CALCOCO2: variants seen among roughly 807,000 people sequenced by gnomAD.
The protein encoded by CALCOCO2 is calcium binding and coiled-coil domain 2.
CALCOCO2 carries 42 observed loss-of-function variants against 62.5 expected under a neutral mutation model. The ratio of observed to expected loss-of-function variants is 0.67; its 90% CI spans 0.53 to 0.87. The LOEUF is 0.87. Ranked by LOEUF, CALCOCO2 falls within the 40% of genes least tolerant of loss-of-function variation. The pLI, the probability that CALCOCO2 is intolerant of heterozygous loss-of-function variation, is 0.00. For missense variants in CALCOCO2, 456 were observed against 515.0 expected (o/e 0.89, Z 1.11); for synonymous variants, 167 against 173.0 (o/e 0.97, Z 0.27).
Position 48,849,260 on chromosome 17 carries a change from G to A in CALCOCO2, c.426G>A (p.Val142=), listed in dbSNP as rs780331809. ...DILVVTTQGE[V]EEIEQHNKEL... ...GGAATGTTCTTTTGTAGGGAGAGGTGGAAGAGATTGAGCAGCACAACAAGG... is the reference window on the plus strand; with the variant it reads ...GGAATGTTCTTTTGTAGGGAGAGGTAGAAGAGATTGAGCAGCACAACAAGG... Residue 142 remains valine, a synonymous_variant, in exon 5 of 13, where the codon GTG becomes GTA. Transcript: ENST00000258947. The A allele has an allele frequency of 6.2e-7, 1 of 1,613,642 alleles. No homozygotes were observed. The highest frequency in any genetic ancestry group is 8.5e-7 in the Non-Finnish European group (1 of 1,179,670).
In CALCOCO2 at chr17:48,858,700, G is replaced by T. The variant is rs949729998; in HGVS notation, c.1009-1614G>T. ...TTCCTGAGTTAGTTTGATTGTGGGG[G>T]GGGGCAGGTGCACACACAGTTTGCA... On this transcript the variant is annotated intron_variant, in intron 10 of 12. Coordinates refer to ENST00000258947, the MANE Select transcript of CALCOCO2 (RefSeq NM_005831.5). 9.2e-5 allele frequency among the ~76,000 whole-genome samples: 14 copies of T among 152,048 alleles called. 1 individual carries two copies. In the East Asian group the frequency reaches 2.7e-3, roughly 29 times the overall value.
chr17:48,831,463 T>C (rs1382085154), intron 1 of CALCOCO2: 1 of 152,292 alleles, frequency 6.6e-6, no homozygotes, highest in African/African-American at 2.4e-5. Flanking sequence ...CTGGATGTCA[T>C]CGCCGTTGGC....
intron 10 of CALCOCO2, among the ~76,000 whole-genome samples, chr17:48,858,027 T>G (rs546196746): frequency 6.4e-5 from 1 of 15,642 alleles, no homozygotes; most frequent in East Asian, 1.5e-3. Flanking sequence ...TAGAATAGAA[T>G]AGAATAGAAT....
In CALCOCO2 at chr17:48,848,342, G is replaced by A; in HGVS notation, c.304G>A (p.Asp102Asn). 6.2e-7 allele frequency: 1 copy of A among 1,613,662 alleles called. No individual in the cohort carries two copies. The highest frequency in any genetic ancestry group is 8.5e-7 in the Non-Finnish European group (1 of 1,179,538). ...TTCAGCTTACTACCTGCCCAAGGATGATGAGTATTACCAGTTCTGCTATGT... is the reference window on the plus strand; with the variant it reads ...TTCAGCTTACTACCTGCCCAAGGATAATGAGTATTACCAGTTCTGCTATGT... ...QFKAYYLPKDDEYYQFCYVDE... is the reference protein window; with the variant it reads ...QFKAYYLPKDNEYYQFCYVDE... Residue 102 changes from aspartate (D) to asparagine (N), a missense_variant, in exon 4 of 13, where the codon GAT becomes AAT. By Grantham distance (23) the Asp-to-Asn change is conservative. Coordinates refer to ENST00000258947, the MANE Select transcript of CALCOCO2 (RefSeq NM_005831.5).
At chr17:48,858,061 G>GAATAGAATAC in intron 10 of CALCOCO2, among the ~76,000 whole-genome samples, 1 of 139,462 alleles carries the variant, frequency 7.2e-6, no homozygotes, top group Middle Eastern at 3.6e-3. Context: ...GAATAGAATA[G>GAATAGAATAC]AATAGAATAG....
At chr17:48,850,435 C>A (rs2040112352) in intron 5 of CALCOCO2, among the ~76,000 whole-genome samples, 1 of 151,990 alleles carries the variant, frequency 6.6e-6, no homozygotes, top group Admixed American at 6.6e-5. Flanking sequence ...CCAGCCTGAG[C>A]AACAGAGCAA....
In CALCOCO2 at chr17:48,851,579, A is replaced by G. The variant is rs779856829; in HGVS notation, c.653A>G (p.Lys218Arg). Reference sequence around the variant, plus strand: ...TACAGACTGAAAGAACAAAACCAGAAGATGTCCTCAGAAAATGAGAAGATG... The same window carrying G: ...TACAGACTGAAAGAACAAAACCAGAGGATGTCCTCAGAAAATGAGAAGATG... ...ELLQLKEQNQKMSSENEKMGI... is the reference protein window; with the variant it reads ...ELLQLKEQNQRMSSENEKMGI... Residue 218 changes from lysine to arginine, a missense_variant, in exon 7 of 13, where the codon AAG (lysine) becomes AGG (arginine). Lys to Arg is a conservative substitution (Grantham distance 26). This residue lies in a region of CALCOCO2 where 236 missense variants were observed against 225.3 expected (regional missense o/e 1.05). Transcript: ENST00000258947. 10 of 1,601,228 alleles carry G rather than the reference A, an allele frequency of 6.2e-6. No homozygotes were observed. The Admixed American group carries it at 1.7e-4, about 27-fold the overall frequency.
rs187215929 is a variant in CALCOCO2 at position 48,864,185 on chromosome 17, T to C, written c.*1180T>C. ...TTCAAGCGATTCTCATGCCTTAGCC[T>C]CCCAAGTAGCTGGGATTACAGGTGT... On this transcript the variant is annotated 3_prime_UTR_variant, in exon 13 of 13. Coordinates refer to ENST00000258947, the MANE Select transcript of CALCOCO2 (RefSeq NM_005831.5). 0.012 allele frequency: 1,820 copies of C among 150,116 alleles called. 34 individuals are homozygous for C. The highest frequency in any genetic ancestry group is 0.098 in the South Asian group (462 of 4,726). 9.3% of individuals were successfully genotyped at this position (150,116 alleles called of 1,614,324 possible).
In CALCOCO2 at chr17:48,846,540, C is replaced by T. The variant is rs751260065; in HGVS notation, c.181-1524C>T. The T allele has an allele frequency of 2.8e-6, 3 of 1,071,866 alleles. No individual in the cohort carries two copies. The African/African-American group carries it at 4.9e-5, about 18-fold the overall frequency. The allele number at this position is 1,071,866 out of a possible 1,614,324, so 66.4% of individuals were successfully genotyped here. ...GTGGCTAGAAGTTGTTTCCCTGTTC[C>T]AAGGCAGCAATAATTCTTAGGCCTT... On this transcript the variant is annotated intron_variant, in intron 2 of 12. Transcript: ENST00000258947.
intron 5 of CALCOCO2, 151 bp from the exon 6 acceptor site, chr17:48,850,938 A>G (rs1179200433): frequency 1.2e-5 from 6 of 521,172 alleles, no homozygotes; most frequent in South Asian, 2.2e-5. Context: ...AAAAAAGAAC[A>G]TTTTCCTTTT....
At chr17:48,835,583 G>A (rs1251828434) in intron 1 of CALCOCO2, among the ~76,000 whole-genome samples, 1 of 152,088 alleles carries the variant, frequency 6.6e-6, no homozygotes, top group Non-Finnish European at 1.5e-5. Context: ...AGATTATTAG[G>A]TTTTCAGGTG....
chr17:48,834,103 T>C (rs1431264973), intron 1 of CALCOCO2, among the ~76,000 whole-genome samples: 1 of 85,106 alleles, frequency 1.2e-5, no homozygotes, highest in Non-Finnish European at 2.1e-5. Flanking sequence ...CAAGACCCTA[T>C]GTCAAAAAAA....
intron 9 of CALCOCO2, among the ~76,000 whole-genome samples, chr17:48,855,525 C>T (rs545174906): frequency 6.6e-6 from 1 of 152,254 alleles, no homozygotes; most frequent in African/African-American, 2.4e-5. Flanking sequence ...AGCTCTGAAG[C>T]ATGAAACCAG....
intron 10 of CALCOCO2, among the ~76,000 whole-genome samples, chr17:48,857,982 T>TAGAAC (rs1244309430): frequency 5.3e-5 from 1 of 18,938 alleles, no homozygotes; most frequent in Admixed American, 5.9e-4. Context: ...ATCAATAGAA[T>TAGAAC]AGAATAGAAT....
intron 5 of CALCOCO2, 148 bp from the exon 6 acceptor site, chr17:48,850,941 T>C: frequency 1.8e-6 from 1 of 550,708 alleles, no homozygotes; most frequent in Non-Finnish European, 3.3e-6. Flanking sequence ...AAAGAACATT[T>C]TCCTTTTATT....
chr17:48,842,896 C>T (rs1013781894), intron 2 of CALCOCO2, among the ~76,000 whole-genome samples: 2 of 151,922 alleles, frequency 1.3e-5, no homozygotes, highest in Admixed American at 1.3e-4. Context: ...GCCTCAGCCT[C>T]CCAAATTAAA....
intron 9 of CALCOCO2, chr17:48,855,869 A>G (rs2040207587): frequency 3.7e-6 from 1 of 272,308 alleles, no homozygotes; most frequent in East Asian, 5.9e-5. Flanking sequence ...AAACCAAAAA[A>G]AAAAAAAAAA....
chr17:48,851,014 T>G (rs1598037553), intron 5 of CALCOCO2, 75 bp from the exon 6 acceptor site: 4 of 794,942 alleles, frequency 5.0e-6, no homozygotes, highest in Non-Finnish European at 9.0e-6. Flanking sequence ...TCAATAAATA[T>G]TTGTTGCCTG....
At chr17:48,851,003 C>T in intron 5 of CALCOCO2, 86 bp from the exon 6 acceptor site, 1 of 741,860 alleles carries the variant, frequency 1.3e-6, no homozygotes, top group South Asian at 1.5e-5. Context: ...ATAGTAAGTG[C>T]TCAATAAATA....
Sources: allele counts gnomAD v4.1 joint callset (sites outside exome capture counted in the v4.1 genomes callset), GRCh38; gene constraint gnomAD v4.1.1; regional missense constraint gnomAD v4.1.1; transcripts MANE v1.5; gene names NCBI Gene and HGNC (gene_info 2026-07-23, HGNC 2026-07-21).